CTBP1: variants seen among roughly 807,000 people sequenced by gnomAD.
CTBP1 encodes C-terminal-binding protein 1.
In CTBP1, 11 loss-of-function variants were observed where a neutral mutation model predicts 42.1. The ratio of observed to expected loss-of-function variants is 0.26; its 90% CI spans 0.16 to 0.43. The LOEUF is 0.43. CTBP1 is among the 20% of genes least tolerant of loss of function. The pLI, the probability that CTBP1 is intolerant of heterozygous loss-of-function variation, is 1.00. For missense variants in CTBP1, 399 were observed against 624.3 expected (o/e 0.64, Z 3.85); for synonymous variants, 324 against 277.1 (o/e 1.17, Z -1.68).
chr4:1,223,501 G>A (rs1330904322), intron 5 of CTBP1: 1 of 455,996 alleles, frequency 2.2e-6, no homozygotes, highest in African/African-American at 2.0e-5. Context: ...GCGGTCAGCA[G>A]GAGTGGGCTG....
intron 3 of CTBP1, 66 bp from the exon 4 acceptor site, chr4:1,228,409 T>C: frequency 6.4e-7 from 1 of 1,563,598 alleles, no homozygotes; most frequent in Non-Finnish European, 8.7e-7. Flanking sequence ...CCTTCGGGGG[T>C]GGGGCTGCCC....
chr4:1,247,956 G>A (rs1458142921), intron 1 of CTBP1, among the ~76,000 whole-genome samples: 2 of 152,244 alleles, frequency 1.3e-5, no homozygotes, highest in South Asian at 2.1e-4. Flanking sequence ...GACAGCAAAA[G>A]GGATCTGGCC....
At chr4:1,240,638 T>C (rs1309035480) in intron 2 of CTBP1, among the ~76,000 whole-genome samples, 1 of 151,558 alleles carries the variant, frequency 6.6e-6, no homozygotes, top group Non-Finnish European at 1.5e-5. Flanking sequence ...TCCCGGGTGC[T>C]GGGTGAGTGG....
chr4:1,228,659 CCCA>C (rs1467176814), intron 3 of CTBP1, among the ~76,000 whole-genome samples: 1 of 138,516 alleles, frequency 7.2e-6, no homozygotes, highest in Non-Finnish European at 1.6e-5. Flanking sequence ...GAGCGTGCGC[CCCA>C]CCGAGACTCT....
At position 1,233,706 on chromosome 4, in the gene CTBP1, G is replaced by T. The variant is rs537999683; in HGVS notation, c.162+4477C>A. Among the ~76,000 whole-genome samples the T allele has an allele frequency of 6.6e-6, 1 of 152,252 alleles. No homozygotes were observed. Among genetic ancestry groups the T allele is most frequent in the East Asian group, 1.9e-4 (1 of 5,186 alleles). On this transcript the variant is annotated intron_variant, in intron 3 of 9. Transcript: ENST00000382952. The surrounding 1 kb of genome is among the most constrained non-coding windows in gnomAD (Gnocchi z 4.6). ...CAGTCCTGAACCTGAACACTGGGGC[G>T]CCTCCCAGGCCCCGACATTCTTCCC...
intron 5 of CTBP1, among the ~76,000 whole-genome samples, chr4:1,221,079 T>C (rs1056080318): frequency 1.3e-5 from 2 of 152,238 alleles, no homozygotes; most frequent in Admixed American, 6.5e-5. Flanking sequence ...ATTTTGAAAT[T>C]ATGAAAATAT....
rs1266672663 is a variant in CTBP1, at chr4:1,235,866, T to C, written c.162+2317A>G. 1 of 152,236 alleles carries C rather than the reference T, an allele frequency of 6.6e-6. No individual in the cohort carries two copies. The highest frequency in any genetic ancestry group is 2.4e-5 in the African/African-American group (1 of 41,444). The allele number at this position is 152,236 out of a possible 1,614,324, so 9.4% of individuals were successfully genotyped here. On this transcript the variant is annotated intron_variant, in intron 3 of 9. Coordinates refer to ENST00000382952, the MANE Select transcript of CTBP1 (RefSeq NM_001012614.2). This position sits in a 1 kb window ranked among gnomAD's most constrained non-coding sequence, Gnocchi z 4.2. ...CTGTCTTCCTCTAAAGGGGCCGTCT[T>C]ACTTCTTTTGCCAGGCACCTGGGGC...
At chr4:1,232,034 A>C (rs761211960) in intron 3 of CTBP1, among the ~76,000 whole-genome samples, 3 of 152,250 alleles carry the variant, frequency 2.0e-5, no homozygotes, top group Non-Finnish European at 2.9e-5. Context: ...ACTGATTGGG[A>C]GGAGTCTTTG....
chr4:1,228,534 G>C (rs1044707031), intron 3 of CTBP1, among the ~76,000 whole-genome samples, 191 bp from the exon 4 acceptor site: 2 of 152,218 alleles, frequency 1.3e-5, no homozygotes, highest in African/African-American at 4.8e-5. Flanking sequence ...CCTCTGCCCA[G>C]GCGTCCTGAG....
chr4:1,222,457 G>C (rs972725014), intron 5 of CTBP1, among the ~76,000 whole-genome samples: 8 of 152,090 alleles, frequency 5.3e-5, no homozygotes, highest in Non-Finnish European at 1.0e-4. Context: ...AGCAGCTCCA[G>C]GGGGGCCTGC....
chr4:1,245,026 T>A, intron 1 of CTBP1: 1 of 985,384 alleles, frequency 1.0e-6, no homozygotes, highest in Non-Finnish European at 1.2e-6. Context: ...ATGGAGCCAC[T>A]GGGCTGAGAG....
intron 1 of CTBP1, chr4:1,242,123 C>A: frequency 1.0e-6 from 1 of 985,476 alleles, no homozygotes; most frequent in Non-Finnish European, 1.2e-6. Context: ...CTGCTCAGCT[C>A]TTCCTGACCG....
At chr4:1,239,097 C>T (rs1232800745) in intron 2 of CTBP1, among the ~76,000 whole-genome samples, 3 of 152,264 alleles carry the variant, frequency 2.0e-5, no homozygotes, top group Admixed American at 2.0e-4. Flanking sequence ...TTAAAGTCCA[C>T]TCTGTGCCCC....
chr4:1,223,570 G>C (rs995628531), intron 5 of CTBP1: 30 of 448,584 alleles, frequency 6.7e-5, no homozygotes, highest in South Asian at 2.8e-4. Context: ...GCATGGCAAG[G>C]CCCTTGCATC....
intron 4 of CTBP1, among the ~76,000 whole-genome samples, chr4:1,227,714 G>A (rs965728511): frequency 6.0e-5 from 9 of 149,768 alleles, no homozygotes; most frequent in South Asian, 2.1e-4. Context: ...GCAGATGTGC[G>A]TGTTCCGTGT....
chr4:1,234,987 TC>T (rs1483042468), intron 3 of CTBP1: 1 of 152,168 alleles, frequency 6.6e-6, no homozygotes, highest in Non-Finnish European at 1.5e-5. Flanking sequence ...GATGAAGAGA[TC>T]ATACAGTGTG....
At position 1,212,292 on chromosome 4, in the gene CTBP1, C is replaced by A; in HGVS notation, c.1238G>T (p.Gly413Val). ...ATCCGCCTCGGGCTTGACGGTTTGG[C>A]CAGGAGAAGGGGCGTGGGGCGGGTG... ...VAHPPHAPSP[G>V]QTVKPEADRD... The change falls in exon 10 of 10, where the codon GGC (glycine) becomes GTC (valine). Residue 413 changes from glycine to valine, a missense_variant. By Grantham distance (109) the Gly-to-Val change is moderately radical (BLOSUM62 -3). Coordinates refer to ENST00000382952, the MANE Select transcript of CTBP1 (RefSeq NM_001012614.2). 2 of 1,533,756 alleles carry A rather than the reference C, an allele frequency of 1.3e-6. No homozygotes were observed. The highest frequency in any genetic ancestry group is 1.2e-5 in the South Asian group (1 of 82,264).
At chr4:1,248,667 G>C (rs1047317895) in intron 1 of CTBP1, 14 of 982,972 alleles carry the variant, frequency 1.4e-5, no homozygotes, top group East Asian at 2.3e-4. Context: ...TCACCTGCAC[G>C]GGCCGCGGGC....
chr4:1,239,127 T>C (rs989459748), intron 2 of CTBP1, among the ~76,000 whole-genome samples: 2 of 152,222 alleles, frequency 1.3e-5, no homozygotes, highest in East Asian at 3.8e-4. Flanking sequence ...CAGAACCAGA[T>C]GATTAAAGCT....
Sources: gnomAD v4.1 joint callset for allele counts (sites outside exome capture counted in the v4.1 genomes callset) on GRCh38, gnomAD v4.1.1 for gene constraint, Gnocchi (gnomAD v3.1) non-coding constraint, MANE v1.5 for transcripts, NCBI Gene and HGNC (gene_info 2026-07-23, HGNC 2026-07-21) for gene names.